The following ORC2 variants were observed in gnomAD, a reference collection of about 807,000 sequenced individuals.
The protein encoded by ORC2 is origin recognition complex subunit 2, also known as origin recognition complex protein 2 homolog.
Under a neutral mutation model 77.7 loss-of-function variants are expected in ORC2, and 37 were observed. That is an observed-to-expected ratio of 0.48 (90% CI 0.37 to 0.63). The LOEUF (loss-of-function observed/expected upper bound fraction) is 0.63, where lower values mean the gene tolerates loss of function less well. Among genes scored for constraint, ORC2 ranks in the 20% least tolerant of loss-of-function variants. The probability of loss-of-function intolerance (pLI) is 0.00; values close to 1 mark genes in which losing one functional copy is unlikely to be tolerated. For missense variants in ORC2, 557 were observed against 661.9 expected, an observed-to-expected ratio of 0.84 and a Z score of 1.74; for synonymous variants, 201 against 229.5, an observed-to-expected ratio of 0.88 and a Z score of 1.12.
chr2:200,914,275 C>T (rs1035033274), intron 15 of ORC2, among the ~76,000 whole-genome samples: 10 of 151,506 alleles, frequency 6.6e-5, no homozygotes, highest in Admixed American at 6.6e-4. Flanking sequence ...ACGCCATTCT[C>T]CTGCCTCAGC....
chr2:200,954,796 A>G (rs1218665463), intron 4 of ORC2, among the ~76,000 whole-genome samples: 1 of 152,166 alleles, frequency 6.6e-6, no homozygotes, highest in East Asian at 1.9e-4. Context: ...AAATGTCTAA[A>G]AAGGCTAATT....
intron 14 of ORC2, 87 bp downstream of exon 14, chr2:200,920,906 A>G: frequency 2.1e-6 from 2 of 945,402 alleles, no homozygotes; most frequent in Non-Finnish European, 2.9e-6. Flanking sequence ...CGTACTAAAA[A>G]CAGTAAAAAT....
At chr2:200,914,441 C>T (rs1382125321) in intron 15 of ORC2, among the ~76,000 whole-genome samples, 1 of 152,170 alleles carries the variant, frequency 6.6e-6, no homozygotes, top group Non-Finnish European at 1.5e-5. Context: ...GCTGGGATTA[C>T]AGGCGTGAGC....
rs2040545577 is a variant in ORC2, at chr2:200,911,241, T to C, written c.*60A>G. On this transcript the variant is annotated 3_prime_UTR_variant, in exon 18 of 18. Coordinates refer to ENST00000234296, the MANE Select transcript of ORC2 (RefSeq NM_006190.5). ...CAGATGTAAACACAACACTTTCAAC[T>C]AGAGGAGTGGCAGCTGGGGTACAAC... 4.2e-6 allele frequency: 4 copies of C among 943,914 alleles called. No individual in the cohort carries two copies. The highest frequency in any genetic ancestry group is 4.0e-5 in the South Asian group (3 of 75,888). The allele number at this position is 943,914 out of a possible 1,614,324, so 58.5% of individuals were successfully genotyped here. A position where few individuals can be genotyped will look rare whatever the true frequency, so the allele number is the denominator to read the frequency against.
At chr2:200,931,528 T>G (rs531232051) in intron 10 of ORC2, 80 bp from the exon 11 acceptor site, 1 of 729,554 alleles carries the variant, frequency 1.4e-6, no homozygotes, top group African/African-American at 1.9e-5. Context: ...TCCTTAGAAG[T>G]AGAGCTTAGA....
intron 10 of ORC2, among the ~76,000 whole-genome samples, chr2:200,933,156 A>AT (rs1245722417): frequency 2.0e-5 from 3 of 151,556 alleles, no homozygotes; most frequent in Non-Finnish European, 4.4e-5. Context: ...ACTGACAAAG[A>AT]TTTTCTCACT....
Position 200,928,012 on chromosome 2 carries a change from C to T in ORC2, c.918-1112G>A, listed in dbSNP as rs1228393042. On this transcript the variant is annotated intron_variant, in intron 11 of 17. Coordinates refer to ENST00000234296, the MANE Select transcript of ORC2 (RefSeq NM_006190.5). ...CAGGAATCAATGTTTAGTGATTCAG[C>T]CATCCCAGTTCTTCCTCTTCCTTCC... 2.0e-5 allele frequency among the ~76,000 whole-genome samples: 3 copies of T among 151,652 alleles called. No homozygotes were observed. The East Asian group carries it at 5.9e-4, about 30-fold the overall frequency.
rs771803378 is a variant in ORC2, at chr2:200,934,009, T to C, written c.709-35A>G. ...AACAGAGTAGTCAGTCCTTAGTAGC[T>C]TCAAATATCTGTCTCATATCAAAAT... On this transcript the variant is annotated intron_variant, in intron 9 of 17. Coordinates refer to ENST00000234296, the MANE Select transcript of ORC2 (RefSeq NM_006190.5). 3.9e-6 allele frequency: 4 copies of C among 1,029,844 alleles called. No homozygotes were observed. The East Asian group carries it at 9.7e-5, about 25-fold the overall frequency. The allele number at this position is 1,029,844 out of a possible 1,614,324, so 63.8% of individuals were successfully genotyped here.
intron 16 of ORC2, 108 bp downstream of exon 16, chr2:200,913,823 C>T: frequency 6.9e-7 from 1 of 1,450,846 alleles, no homozygotes; most frequent in Non-Finnish European, 9.1e-7. Context: ...TGAGTGACCA[C>T]TTACTCACTG....
At chr2:200,940,449 T>C (rs143353363) in intron 7 of ORC2, among the ~76,000 whole-genome samples, 35 of 152,284 alleles carry the variant, frequency 2.3e-4, no homozygotes, top group African/African-American at 6.7e-4. Context: ...TTTGCATATA[T>C]GGCCCTTTCA....
At chr2:200,955,299 T>G (rs936302467) in intron 4 of ORC2, among the ~76,000 whole-genome samples, 1 of 152,198 alleles carries the variant, frequency 6.6e-6, no homozygotes, top group Non-Finnish European at 1.5e-5. Context: ...TGTCTAGCTG[T>G]GGACACATAG....
chr2:200,923,646 C>T (rs1399947783), intron 13 of ORC2, among the ~76,000 whole-genome samples: 2 of 152,138 alleles, frequency 1.3e-5, no homozygotes, highest in African/African-American at 4.8e-5. Context: ...AGTTTATATA[C>T]ACAGGTATTT....
chr2:200,961,115 C>A (rs1264647742), intron 1 of ORC2, among the ~76,000 whole-genome samples: 2 of 152,014 alleles, frequency 1.3e-5, no homozygotes, highest in East Asian at 3.9e-4. Flanking sequence ...CCACATACCT[C>A]TCCTGCCATC....
intron 13 of ORC2, chr2:200,921,426 A>G: frequency 4.8e-6 from 1 of 206,950 alleles, no homozygotes; most frequent in Non-Finnish European, 9.6e-6. Flanking sequence ...ACAGACGTGA[A>G]CCACCATGTC....
At position 200,957,462 on chromosome 2, in the gene ORC2, T is replaced by C. The variant is rs1227466368; in HGVS notation, c.177A>G (p.Glu59=). Residue 59 remains glutamate, a synonymous_variant, in exon 4 of 18, where the codon GAA becomes GAG. Transcript: ENST00000234296. ...GATCTTTTAAGACCTCCTGGTCATC[T>C]TCCTCCAAATCATATTCTGGCTTCT... ...IIKKPEYDLE[E]DDQEVLKDQN... The C allele has an allele frequency of 2.5e-6, 4 of 1,611,370 alleles. No homozygotes were observed. The highest frequency in any genetic ancestry group is 3.4e-6 in the Non-Finnish European group (4 of 1,178,684).
At chr2:200,936,374 G>T (rs2041048472) in intron 8 of ORC2, among the ~76,000 whole-genome samples, 1 of 152,146 alleles carries the variant, frequency 6.6e-6, no homozygotes, top group African/African-American at 2.4e-5. Flanking sequence ...AAAATAGCTG[G>T]CAGCTTCTGA....
At chr2:200,955,130 C>A (rs2041444643) in intron 4 of ORC2, among the ~76,000 whole-genome samples, 1 of 152,156 alleles carries the variant, frequency 6.6e-6, no homozygotes, top group African/African-American at 2.4e-5. Flanking sequence ...AGGTTGGAAG[C>A]ACTGAATTTC....
At chr2:200,938,307 G>C (rs532012427) in intron 7 of ORC2, among the ~76,000 whole-genome samples, 1 of 152,142 alleles carries the variant, frequency 6.6e-6, no homozygotes, top group African/African-American at 2.4e-5. Context: ...TGGGATTATG[G>C]GTGTGAGCCA....
chr2:200,930,531 CAG>C (rs1469609822), intron 11 of ORC2, among the ~76,000 whole-genome samples: 1 of 137,786 alleles, frequency 7.3e-6, no homozygotes, highest in Admixed American at 7.5e-5. Context: ...TTTTTTAAGA[CAG>C]AGTCTCTCAA....
Sources: allele counts gnomAD v4.1 joint callset (sites outside exome capture counted in the v4.1 genomes callset), GRCh38; gene constraint gnomAD v4.1.1; transcripts MANE v1.5; gene names NCBI Gene and HGNC (gene_info 2026-07-23, HGNC 2026-07-21).